Variants in ZKSCAN5 observed in about 807,000 individuals in gnomAD.
ZKSCAN5 encodes zinc finger protein with KRAB and SCAN domains 5.
ZKSCAN5 carries 28 observed loss-of-function variants against 60.0 expected under a neutral mutation model. That is an observed-to-expected ratio of 0.47 (90% CI 0.35 to 0.64). The LOEUF is 0.64. Ranked by LOEUF, ZKSCAN5 falls within the 30% of genes least tolerant of loss-of-function variation. ZKSCAN5 has a pLI of 0.01. For missense variants in ZKSCAN5, 881 were observed against 1,034.6 expected, an observed-to-expected ratio of 0.85 and a Z score of 2.04; for synonymous variants, 361 against 371.2, an observed-to-expected ratio of 0.97 and a Z score of 0.31.
rs1802115033 is a variant in ZKSCAN5 at position 99,532,897 on chromosome 7, C to T, written c.*648C>T. 1.8e-5 allele frequency: 3 copies of T among 162,664 alleles called. No individual in the cohort carries two copies. The East Asian group carries it at 5.0e-4, about 27-fold the overall frequency. The allele number at this position is 162,664 out of a possible 1,614,324, so 10.1% of individuals were successfully genotyped here. A position where few individuals can be genotyped will look rare whatever the true frequency, so the allele number is the denominator to read the frequency against. ...CACCACTTCTCTGTGAAACACTCTACCTTGTTTTTGGTTTGATTCTACTGA... is the reference window on the plus strand; with the variant it reads ...CACCACTTCTCTGTGAAACACTCTATCTTGTTTTTGGTTTGATTCTACTGA... On this transcript the variant is annotated 3_prime_UTR_variant, in exon 7 of 7. Transcript: ENST00000326775.
At position 99,525,834 on chromosome 7, in the gene ZKSCAN5, T is replaced by G. The variant is rs537936873; in HGVS notation, c.794T>G (p.Met265Arg). ...TCAGGTTATGAGTCCAGGGACAATATGGAGCTCATAGTGAAGCAGATTTCT... is the reference window on the plus strand; with the variant it reads ...TCAGGTTATGAGTCCAGGGACAATAGGGAGCTCATAGTGAAGCAGATTTCT... ...TSMGYESRDN[M>R]ELIVKQISDD... Residue 265 changes from methionine (M) to arginine (R), a missense_variant, in exon 6 of 7, where the codon ATG becomes AGG. Transcript: ENST00000326775. The G allele has an allele frequency of 9.3e-6, 15 of 1,612,718 alleles. No individual in the cohort carries two copies. The East Asian group carries it at 3.3e-4, about 36-fold the overall frequency.
At chr7:99,506,555 T>C in intron 2 of ZKSCAN5, 97 bp downstream of exon 2, 1 of 1,408,458 alleles carries the variant, frequency 7.1e-7, no homozygotes, top group Non-Finnish European at 9.4e-7. Flanking sequence ...TTCATTCATA[T>C]TCTTTTGTTC....
chr7:99,505,917 A>T, intron 1 of ZKSCAN5, 88 bp from the exon 2 acceptor site: 1 of 1,142,994 alleles, frequency 8.7e-7, no homozygotes, highest in Non-Finnish European at 1.2e-6. Context: ...TGTCTTTGCT[A>T]ATAATGATGC....
chr7:99,517,131 T>G (rs1385230994), intron 3 of ZKSCAN5, among the ~76,000 whole-genome samples: 1 of 152,150 alleles, frequency 6.6e-6, no homozygotes, highest in Admixed American at 6.5e-5. Flanking sequence ...AATGGCGTGA[T>G]CTCAGTTCAG....
intron 5 of ZKSCAN5, among the ~76,000 whole-genome samples, chr7:99,522,116 A>G (rs1213718355): frequency 3.3e-5 from 5 of 152,158 alleles, no homozygotes; most frequent in Non-Finnish European, 7.3e-5. Flanking sequence ...ACTATTCTAC[A>G]TTAATTACAT....
chr7:99,507,497 A>G (rs1800798498), intron 2 of ZKSCAN5, among the ~76,000 whole-genome samples: 1 of 146,014 alleles, frequency 6.8e-6, no homozygotes, highest in Non-Finnish European at 1.5e-5. Context: ...ATATGTATAT[A>G]TGTGTATATA....
chr7:99,517,884 G>A (rs1360084110), intron 3 of ZKSCAN5, among the ~76,000 whole-genome samples: 2 of 152,114 alleles, frequency 1.3e-5, no homozygotes, highest in African/African-American at 2.4e-5. Flanking sequence ...TTTGTGTTGG[G>A]GCACATTCAA....
Position 99,506,061 on chromosome 7 carries a change from C to T in ZKSCAN5, c.17C>T (p.Ser6Phe), listed in dbSNP as rs139104920. ...TGAGTTGGAATGATAATGACCGAAT[C>T]CCGAGAAGTTATAGACTTAGACCCC... is the stretch of plus-strand genomic sequence containing the variant. MIMTE[S>F]REVIDLDPPA... Residue 6 changes from serine to phenylalanine, a missense_variant, in exon 2 of 7, where the codon TCC becomes TTC. By Grantham distance (155) the Ser-to-Phe change is radical. Transcript: ENST00000326775. 138 of 1,613,534 alleles carry T rather than the reference C, an allele frequency of 8.6e-5. No individual in the cohort carries two copies. The African/African-American group carries it at 1.7e-3, about 20-fold the overall frequency.
rs1347187377 is a variant in ZKSCAN5, at chr7:99,519,853, C to T, written c.580C>T (p.Leu194Phe). The change falls in exon 4 of 7, where the codon CTT (leucine) becomes TTT (phenylalanine). Residue 194 changes from leucine (L) to phenylalanine (F), a missense_variant. Transcript: ENST00000326775. ...CCTTCCTGTTCTCCAAGTTCCTTCC[C>T]TTCCCCTGAAGGACAGCCAGGAGCT... The part of the protein sequence containing the change: ...NALPVLQVPS[L>F]PLKDSQELTA... 6.2e-7 allele frequency: 1 copy of T among 1,614,084 alleles called. No homozygotes were observed. The highest frequency in any genetic ancestry group is 1.7e-5 in the Admixed American group (1 of 60,004).
Position 99,533,203 on chromosome 7 carries a change from C to G in ZKSCAN5, c.*954C>G, listed in dbSNP as rs779477064. On this transcript the variant is annotated 3_prime_UTR_variant, in exon 7 of 7. Coordinates refer to ENST00000326775, the MANE Select transcript of ZKSCAN5 (RefSeq NM_145102.4). ...ACCTCTCCTGTAGAGTGGTGATATA[C>G]AGAATGAGTTTCAGTTTGCATTGCA... 1.5e-6 allele frequency: 1 copy of G among 645,894 alleles called. No individual in the cohort carries two copies. The highest frequency in any genetic ancestry group is 2.9e-6 in the Non-Finnish European group (1 of 348,952). 40.0% of individuals were successfully genotyped at this position (645,894 alleles called of 1,614,324 possible).
intron 5 of ZKSCAN5, among the ~76,000 whole-genome samples, chr7:99,525,389 T>C (rs1025165060): frequency 6.6e-6 from 1 of 151,732 alleles, no homozygotes; most frequent in Admixed American, 6.6e-5. Context: ...GGAGGATCGC[T>C]TGAGCCCAAG....
At chr7:99,505,808 C>G (rs994969910) in intron 1 of ZKSCAN5, 197 bp from the exon 2 acceptor site, 1 of 424,582 alleles carries the variant, frequency 2.4e-6, no homozygotes, top group African/African-American at 2.0e-5. Flanking sequence ...TCCTTATTAT[C>G]ATTTTGTGGG....
intron 2 of ZKSCAN5, among the ~76,000 whole-genome samples, chr7:99,506,688 A>T (rs1312579470): frequency 6.6e-6 from 1 of 152,042 alleles, no homozygotes; most frequent in Non-Finnish European, 1.5e-5. Flanking sequence ...TATTTATTTA[A>T]TTATTTATTT....
At chr7:99,522,088 T>C (rs950948936) in intron 5 of ZKSCAN5, among the ~76,000 whole-genome samples, 5 of 152,350 alleles carry the variant, frequency 3.3e-5, no homozygotes, top group African/African-American at 1.2e-4. Context: ...ATAACATCTG[T>C]ATTTATCACT....
At position 99,525,955 on chromosome 7, in the gene ZKSCAN5, G is replaced by C; in HGVS notation, c.915G>C (p.Met305Ile). The change falls in exon 6 of 7, where the codon ATG becomes ATC. Residue 305 changes from methionine (M) to isoleucine (I), a missense_variant. Physicochemically the swap from Met to Ile is conservative, Grantham distance 10. Around this residue, in one of 5 missense-constraint regions of ZKSCAN5, gnomAD observed 490 missense variants for 554.5 expected, o/e 0.88. Transcript: ENST00000326775. ...CAGAAGTCAGTGACCTTAAAGGCATGGTACAAAGGTGGCAGGTCAACCCCA... is the reference window on the plus strand; with the variant it reads ...CAGAAGTCAGTGACCTTAAAGGCATCGTACAAAGGTGGCAGGTCAACCCCA... ...DFAEVSDLKG[M>I]VQRWQVNPTV... is the part of the protein sequence containing the mutation. 6.2e-7 allele frequency: 1 copy of C among 1,614,040 alleles called. No individual in the cohort carries two copies. Among genetic ancestry groups the C allele is most frequent in the East Asian group, 2.2e-5 (1 of 44,856 alleles).
At chr7:99,505,888 A>C in intron 1 of ZKSCAN5, 117 bp from the exon 2 acceptor site, 1 of 835,590 alleles carries the variant, frequency 1.2e-6, no homozygotes. Flanking sequence ...TCTTTAGTAT[A>C]GATGACCTCT....
At chr7:99,505,958 A>T (rs1398876028) in intron 1 of ZKSCAN5, 47 bp from the exon 2 acceptor site, 2 of 1,489,804 alleles carry the variant, frequency 1.3e-6, no homozygotes, top group Non-Finnish European at 1.8e-6. Context: ...ATGCTACTGA[A>T]AGTGTCCTTC....
chr7:99,518,187 G>A (rs1290131038), intron 3 of ZKSCAN5, among the ~76,000 whole-genome samples: 1 of 152,052 alleles, frequency 6.6e-6, no homozygotes, highest in Non-Finnish European at 1.5e-5. Flanking sequence ...CCAGCACTTT[G>A]GGAGGCCATT....
Position 99,506,156 on chromosome 7 carries a change from A to G in ZKSCAN5, c.112A>G (p.Met38Val), listed in dbSNP as rs377309077. The stretch of plus-strand genomic sequence containing the variant: ...GGTGGAAGAAGAAGACTGCACCTGG[A>G]TGCAGGAGTACAACCCGCCAACGTT... ...VKVEEEDCTWMQEYNPPTFET... is the reference protein window; with the variant it reads ...VKVEEEDCTWVQEYNPPTFET... The change falls in exon 2 of 7, where the codon ATG becomes GTG. Residue 38 changes from methionine to valine, a missense_variant. Physicochemically the swap from Met to Val is conservative, Grantham distance 21. Transcript: ENST00000326775. 6 of 1,614,062 alleles carry G rather than the reference A, an allele frequency of 3.7e-6. No individual in the cohort carries two copies. In the Admixed American group the frequency reaches 6.7e-5, roughly 18 times the overall value.
Sources: allele counts gnomAD v4.1 joint callset (sites outside exome capture counted in the v4.1 genomes callset), GRCh38; gene constraint gnomAD v4.1.1; regional missense constraint gnomAD v4.1.1; transcripts MANE v1.5; gene names NCBI Gene and HGNC (gene_info 2026-07-23, HGNC 2026-07-21).